Variants in SLC5A12 observed in about 807,000 individuals in gnomAD.
SLC5A12 encodes the protein sodium-coupled monocarboxylate transporter 2.
A neutral mutation model predicts 72.7 loss-of-function variants in SLC5A12; 46 were observed. The ratio of observed to expected loss-of-function variants is 0.63; its 90% CI spans 0.50 to 0.81. SLC5A12 has a LOEUF of 0.81. Among genes scored for constraint, SLC5A12 ranks in the 30% least tolerant of loss-of-function variants. The probability of loss-of-function intolerance (pLI) is 0.00; values close to 1 mark genes in which losing one functional copy is unlikely to be tolerated. For synonymous variants in SLC5A12, 275 were observed against 264.4 expected, an observed-to-expected ratio of 1.04 and a Z score of -0.39; for missense variants, 683 against 740.7, an observed-to-expected ratio of 0.92 and a Z score of 0.90.
At chr11:26,710,201 C>A (rs1296006582) in intron 3 of SLC5A12, among the ~76,000 whole-genome samples, 2 of 152,102 alleles carry the variant, frequency 1.3e-5, no homozygotes, top group African/African-American at 2.4e-5. Context: ...ATGAACTCAT[C>A]ATTTTTATGG....
chr11:26,707,734 A>G (rs1855124308), intron 4 of SLC5A12, among the ~76,000 whole-genome samples: 1 of 152,004 alleles, frequency 6.6e-6, no homozygotes, highest in Non-Finnish European at 1.5e-5. Flanking sequence ...TGTTCTTGAG[A>G]GGCTAAATCT....
At position 26,669,796 on chromosome 11, in the gene SLC5A12, T is replaced by C. The variant is rs1412313178; in HGVS notation, c.*1306A>G. Reference sequence around the variant, plus strand: ...TCCTTATCCTTGCCTATTTGGACCATTTCTTCTTACTTTGCTAACACACTG... The same window carrying C: ...TCCTTATCCTTGCCTATTTGGACCACTTCTTCTTACTTTGCTAACACACTG... On this transcript the variant is annotated 3_prime_UTR_variant, in exon 15 of 15. Transcript: ENST00000396005. The C allele has an allele frequency of 6.6e-6, 1 of 152,138 alleles. No homozygotes were observed. Among genetic ancestry groups the C allele is most frequent in the Non-Finnish European group, 1.5e-5 (1 of 68,010 alleles). 9.4% of individuals were successfully genotyped at this position (152,138 alleles called of 1,614,324 possible).
chr11:26,698,202 T>A (rs1447216361), intron 7 of SLC5A12, among the ~76,000 whole-genome samples: 1 of 152,030 alleles, frequency 6.6e-6, no homozygotes, highest in Non-Finnish European at 1.5e-5. Context: ...CTGGCCAAGG[T>A]GCCCTCTTTT....
In SLC5A12 at chr11:26,669,195, C is replaced by CTTTTTTTT. The variant is rs751762298; in HGVS notation, c.*1906_*1907insAAAAAAAA. 1 of 69,770 alleles carries CTTTTTTTT rather than the reference C, an allele frequency of 1.4e-5. No homozygotes were observed. Among genetic ancestry groups the CTTTTTTTT allele is most frequent in the African/African-American group, 3.8e-5 (1 of 26,052 alleles). The allele number at this position is 69,770 out of a possible 1,614,324, so 4.3% of individuals were successfully genotyped here. On this transcript the variant is annotated 3_prime_UTR_variant, in exon 15 of 15. Coordinates refer to ENST00000396005, the MANE Select transcript of SLC5A12 (RefSeq NM_178498.4). The stretch of plus-strand genomic sequence containing the variant: ...TCTTTCTTTCTTTCTTCTTTTCTTT[C>CTTTTTTTT]TTTCTTTCTTTCTTTCTTTCTTTCT...
At chr11:26,672,773 C>T (rs538657068) in intron 14 of SLC5A12, among the ~76,000 whole-genome samples, 7 of 152,206 alleles carry the variant, frequency 4.6e-5, no homozygotes, top group Non-Finnish European at 8.8e-5. Context: ...TCTAGTACTG[C>T]CTGATCTAAA....
intron 10 of SLC5A12, among the ~76,000 whole-genome samples, 181 bp from the exon 11 acceptor site, chr11:26,684,024 A>ATG (rs1393420880): frequency 1.0e-4 from 12 of 119,224 alleles, no homozygotes; most frequent in Admixed American, 1.7e-4. Flanking sequence ...CACTGTATTT[A>ATG]TGTATGTGTG....
intron 9 of SLC5A12, 64 bp from the exon 10 acceptor site, chr11:26,686,608 G>GA: frequency 1.3e-5 from 18 of 1,428,342 alleles, no homozygotes; most frequent in Non-Finnish European, 1.7e-5. Context: ...GGGATGCCTT[G>GA]AGCCCCCACT....
intron 10 of SLC5A12, among the ~76,000 whole-genome samples, chr11:26,685,485 G>A (rs74824203): frequency 0.043 from 6,555 of 152,068 alleles, 438 homozygotes; most frequent in African/African-American, 0.15. Context: ...CTGGGCACCT[G>A]TAATCCCAGC....
intron 4 of SLC5A12, among the ~76,000 whole-genome samples, chr11:26,705,460 T>C (rs1286610726): frequency 6.6e-6 from 1 of 152,080 alleles, no homozygotes; most frequent in African/African-American, 2.4e-5. Flanking sequence ...TGTCAAGAAC[T>C]TTAGTGAAAA....
intron 6 of SLC5A12, among the ~76,000 whole-genome samples, chr11:26,700,428 T>C (rs1854929722): frequency 6.6e-6 from 1 of 152,142 alleles, no homozygotes; most frequent in Non-Finnish European, 1.5e-5. Flanking sequence ...CTAGGTATTG[T>C]AGCTATAGCA....
intron 14 of SLC5A12, 25 bp downstream of exon 14, chr11:26,673,377 T>C: frequency 6.6e-7 from 1 of 1,521,248 alleles, no homozygotes; most frequent in Non-Finnish European, 8.8e-7. Context: ...CATACACATT[T>C]TTAGAAGCTC....
intron 8 of SLC5A12, among the ~76,000 whole-genome samples, 171 bp downstream of exon 8, chr11:26,696,993 A>G (rs556949361): frequency 2.0e-5 from 3 of 152,360 alleles, no homozygotes; most frequent in African/African-American, 7.2e-5. Context: ...ACTGATGATG[A>G]GTAAAATTCT....
At chr11:26,711,646 T>G (rs2133212101) in intron 2 of SLC5A12, among the ~76,000 whole-genome samples, 1 of 152,202 alleles carries the variant, frequency 6.6e-6, no homozygotes, top group Non-Finnish European at 1.5e-5. Flanking sequence ...TAGACTTAAT[T>G]AAGTTTTGAT....
chr11:26,682,268 T>A (rs1002318720), intron 11 of SLC5A12, among the ~76,000 whole-genome samples: 3 of 152,086 alleles, frequency 2.0e-5, no homozygotes, highest in Admixed American at 2.0e-4. Flanking sequence ...CCCAACCATT[T>A]AAAAAATGTC....
chr11:26,722,810 T>G (rs1855506028), upstream of SLC5A12, among the ~76,000 whole-genome samples: 1 of 151,470 alleles, frequency 6.6e-6, no homozygotes, highest in African/African-American at 2.4e-5. Flanking sequence ...TTGTTCATGC[T>G]TCTCCTCCTT....
intron 4 of SLC5A12, among the ~76,000 whole-genome samples, chr11:26,705,806 TGGCATAA>T (rs1855069834): frequency 6.6e-6 from 1 of 151,944 alleles, no homozygotes; most frequent in Non-Finnish European, 1.5e-5. Flanking sequence ...TGCATAAACT[TGGCATAA>T]GGCAAGAGAA....
chr11:26,693,994 A>T (rs1402438106), intron 8 of SLC5A12, among the ~76,000 whole-genome samples: 1 of 152,180 alleles, frequency 6.6e-6, no homozygotes, highest in African/African-American at 2.4e-5. Context: ...TTGTCTCAAT[A>T]TACTTCTTGT....
chr11:26,717,107 AAAATAT>A (rs1401791246), intron 1 of SLC5A12, among the ~76,000 whole-genome samples: 5 of 152,196 alleles, frequency 3.3e-5, no homozygotes, highest in Admixed American at 2.0e-4. Context: ...TGAATTTCTC[AAAATAT>A]AAATATAATT....
chr11:26,721,730 A>G lies in SLC5A12; in HGVS notation c.-16T>C. On this transcript the variant is annotated 5_prime_UTR_variant, in exon 1 of 15. Transcript: ENST00000396005. ...TCACCTCCATATTGGAAAGTATGAC[A>G]CCAGAGAGTTTCTTTCAACGAGGTC... is the stretch of plus-strand genomic sequence containing the variant. 1.3e-6 allele frequency: 2 copies of G among 1,598,796 alleles called. No homozygotes were observed. The highest frequency in any genetic ancestry group is 2.7e-5 in the African/African-American group (2 of 74,136).
Sources: gnomAD v4.1 joint callset for allele counts (sites outside exome capture counted in the v4.1 genomes callset) on GRCh38, gnomAD v4.1.1 for gene constraint, MANE v1.5 for transcripts, NCBI Gene and HGNC (gene_info 2026-07-23, HGNC 2026-07-21) for gene names.